The following TYR variants were observed in gnomAD, a reference collection of about 807,000 sequenced individuals.
TYR encodes LB24-AB.
Under a neutral mutation model 51.5 loss-of-function variants are expected in TYR, and 58 were observed. The ratio of observed to expected loss-of-function variants is 1.13; its 90% CI spans 0.91 to 1.40. The LOEUF is 1.40. TYR is among the 40% of genes most tolerant of loss of function. TYR has a pLI of 0.00. For synonymous variants in TYR, 263 were observed against 235.2 expected (o/e 1.12, Z -1.08); for missense variants, 732 against 647.4 (o/e 1.13, Z -1.42).
At chr11:89,219,168 T>C (rs1458371936) in intron 2 of TYR, among the ~76,000 whole-genome samples, 1 of 152,108 alleles carries the variant, frequency 6.6e-6, no homozygotes, top group South Asian at 2.1e-4. Flanking sequence ...TAGCCCTATA[T>C]AGAAGCCAAA....
intron 4 of TYR, chr11:89,293,628 A>G (rs1944873475): frequency 6.5e-6 from 1 of 152,892 alleles, no homozygotes; most frequent in African/African-American, 2.4e-5. Flanking sequence ...AACTCTCCCA[A>G]TACTACTTTT....
At chr11:89,230,906 T>TA (rs71052219) in intron 3 of TYR, among the ~76,000 whole-genome samples, 6,354 of 139,294 alleles carry the variant, frequency 0.046, 474 homozygotes, top group African/African-American at 0.15. Flanking sequence ...GAGACTATGT[T>TA]AAAAAAAAAA....
intron 2 of TYR, among the ~76,000 whole-genome samples, chr11:89,209,552 C>T (rs1412012451): frequency 6.6e-6 from 1 of 152,178 alleles, no homozygotes; most frequent in African/African-American, 2.4e-5. Context: ...CAAAAGGCAT[C>T]AGACAGCTTA....
At chr11:89,194,440 C>T (rs1041884771) in intron 2 of TYR, among the ~76,000 whole-genome samples, 11 of 152,134 alleles carry the variant, frequency 7.2e-5, no homozygotes, top group African/African-American at 2.7e-4. Flanking sequence ...GTCCAATTTT[C>T]CCACTGTATA....
intron 3 of TYR, among the ~76,000 whole-genome samples, chr11:89,246,678 T>C (rs4121401): frequency 0.46 from 69,396 of 151,902 alleles, 17,430 homozygotes; most frequent in African/African-American, 0.69. Flanking sequence ...GTGAGGCTTC[T>C]CTTCTACTCT....
intron 2 of TYR, among the ~76,000 whole-genome samples, chr11:89,195,444 C>T (rs2135256690): frequency 6.6e-6 from 1 of 152,152 alleles, no homozygotes; most frequent in African/African-American, 2.4e-5. Flanking sequence ...TTTGGAAGTC[C>T]AAGGCAGGTG....
At chr11:89,219,477 A>G (rs1480857056) in intron 2 of TYR, among the ~76,000 whole-genome samples, 1 of 151,802 alleles carries the variant, frequency 6.6e-6, no homozygotes, top group Non-Finnish European at 1.5e-5. Context: ...TTGTATTTTT[A>G]GTAGAGACAC....
chr11:89,207,137 A>G, intron 2 of TYR, among the ~76,000 whole-genome samples: 1 of 152,104 alleles, frequency 6.6e-6, no homozygotes, highest in East Asian at 1.9e-4. Flanking sequence ...AGCAGAAAGC[A>G]GTGAAATTAA....
intron 4 of TYR, among the ~76,000 whole-genome samples, chr11:89,291,078 G>T (rs1210788531): frequency 6.6e-6 from 1 of 151,904 alleles, no homozygotes; most frequent in African/African-American, 2.4e-5. Flanking sequence ...TTGATTGTGA[G>T]AATGAGATTT....
intron 2 of TYR, among the ~76,000 whole-genome samples, chr11:89,210,790 A>G (rs546963874): frequency 1.9e-4 from 29 of 152,354 alleles, no homozygotes; most frequent in African/African-American, 7.0e-4. Context: ...CCTATAAGCC[A>G]TAGGAGAGTG....
intron 2 of TYR, among the ~76,000 whole-genome samples, chr11:89,199,025 C>T (rs1943562025): frequency 6.6e-6 from 1 of 152,016 alleles, no homozygotes; most frequent in Non-Finnish European, 1.5e-5. Context: ...GTTTTTTGTC[C>T]TTGTGATAGT....
chr11:89,227,962 TG>T lies in TYR; in HGVS notation c.1177del (p.Val393LeufsTer92), dbSNP rs1310503904. On this transcript the variant is annotated frameshift_variant, in exon 3 of 5. Transcript: ENST00000263321. LOFTEE classifies it high-confidence loss of function. The stretch of plus-strand genomic sequence containing the variant: ...CTATCTTCCTTCTTCACCATGCATT[TG>T]TTGACAGGTTGGTTAATATTTCTTT... ...DPIFLLHHAFVDSIFEQWLRR... is the reference protein window; with the variant it reads ...DPIFLLHHAFXDSIFEQWLRR... 6 of 1,613,324 alleles carry T rather than the reference TG, an allele frequency of 3.7e-6. No homozygotes were observed. Among genetic ancestry groups the T allele is most frequent in the Non-Finnish European group, 5.1e-6 (6 of 1,179,618 alleles).
chr11:89,202,622 T>TACACACACACACACACACACACACAC lies in TYR; in HGVS notation c.1036+11207_1036+11232dup, dbSNP rs10526067. ...CCAAAACTAGAATATATTTTCATAA[T>TACACACACACACACACACACACACAC]ACACACACACACACACACACACACA... On this transcript the variant is annotated intron_variant, in intron 2 of 4. Transcript: ENST00000263321. Among the ~76,000 whole-genome samples, 211 of 141,364 alleles carry TACACACACACACACACACACACACAC rather than the reference T, an allele frequency of 1.5e-3. 2 individuals carry two copies. Among genetic ancestry groups the TACACACACACACACACACACACACAC allele is most frequent in the East Asian group, 5.9e-3 (27 of 4,560 alleles). The allele number at this position is 141,364 out of a possible 152,430, so 92.7% of individuals were successfully genotyped here.
intron 4 of TYR, among the ~76,000 whole-genome samples, chr11:89,292,182 C>T (rs1944859556): frequency 6.6e-6 from 1 of 151,966 alleles, no homozygotes; most frequent in African/African-American, 2.4e-5. Flanking sequence ...GTCTGCCCTT[C>T]TCATTCCACA....
intron 1 of TYR, among the ~76,000 whole-genome samples, chr11:89,179,842 AT>A (rs1943277376): frequency 1.3e-5 from 2 of 152,226 alleles, no homozygotes; most frequent in Non-Finnish European, 2.9e-5. Context: ...ATTATTTATC[AT>A]TTTAAAACCA....
intron 2 of TYR, among the ~76,000 whole-genome samples, chr11:89,196,579 A>G (rs1356335058): frequency 1.3e-5 from 2 of 152,214 alleles, no homozygotes; most frequent in African/African-American, 4.8e-5. Context: ...TAAAACTTAC[A>G]TATACCAAGA....
At chr11:89,236,838 A>T (rs11018544) in intron 3 of TYR, among the ~76,000 whole-genome samples, 88,701 of 151,972 alleles carry the variant, frequency 0.58, 28,237 homozygotes, top group African/African-American at 0.86. Flanking sequence ...TTGTACACAA[A>T]CTTCAAGACT....
intron 3 of TYR, among the ~76,000 whole-genome samples, chr11:89,241,200 A>G (rs1349133288): frequency 6.6e-6 from 1 of 152,188 alleles, no homozygotes; most frequent in Non-Finnish European, 1.5e-5. Context: ...CTATTTAAGA[A>G]CATACTAAGT....
chr11:89,252,896 A>T (rs546233235), intron 3 of TYR, among the ~76,000 whole-genome samples: 2 of 151,786 alleles, frequency 1.3e-5, no homozygotes, highest in Non-Finnish European at 3.0e-5. Context: ...AGTCTCATAC[A>T]GTCATTTGTT....
Sources: gnomAD v4.1 joint callset for allele counts (sites outside exome capture counted in the v4.1 genomes callset) on GRCh38, gnomAD v4.1.1 for gene constraint, MANE v1.5 for transcripts, NCBI Gene and HGNC (gene_info 2026-07-23, HGNC 2026-07-21) for gene names.